MED12L: variants seen among roughly 807,000 people sequenced by gnomAD.
MED12L encodes the protein mediator complex subunit 12L.
MED12L carries 60 observed loss-of-function variants against 281.3 expected under a neutral mutation model. The ratio of observed to expected loss-of-function variants is 0.21; its 90% CI spans 0.17 to 0.26. MED12L has a LOEUF of 0.26. Among genes scored for constraint, MED12L ranks in the 10% least tolerant of loss-of-function variants. MED12L has a pLI of 1.00. For missense variants in MED12L, 2,146 were observed against 2,680.9 expected, an observed-to-expected ratio of 0.80 and a Z score of 4.41; for synonymous variants, 974 against 987.2, an observed-to-expected ratio of 0.99 and a Z score of 0.25.
chr3:151,223,189 A>AAC (rs1221049763), intron 16 of MED12L, among the ~76,000 whole-genome samples: 1 of 150,846 alleles, frequency 6.6e-6, no homozygotes, highest in East Asian at 1.9e-4. Flanking sequence ...AAAAAAAAAA[A>AAC]ACTAGATGTC....
intron 11 of MED12L, among the ~76,000 whole-genome samples, chr3:151,173,359 C>T (rs991282616): frequency 1.3e-5 from 2 of 152,076 alleles, no homozygotes; most frequent in South Asian, 2.1e-4. Flanking sequence ...TTAACTAGTA[C>T]GTTCTATTTC....
At chr3:151,173,074 C>CTTT (rs75490096) in intron 11 of MED12L, among the ~76,000 whole-genome samples, 9,145 of 140,246 alleles carry the variant, frequency 0.065, 588 homozygotes, top group East Asian at 0.18. Context: ...TATTATGCGA[C>CTTT]TTTTTTTTTT....
At chr3:151,124,296 G>A (rs1467621203) in intron 4 of MED12L, among the ~76,000 whole-genome samples, 1 of 152,234 alleles carries the variant, frequency 6.6e-6, no homozygotes, top group Non-Finnish European at 1.5e-5. Flanking sequence ...TCATGGTGCA[G>A]TGTGTTAGCC....
intron 3 of MED12L, among the ~76,000 whole-genome samples, chr3:151,119,655 T>C (rs973330948): frequency 3.9e-5 from 6 of 152,204 alleles, no homozygotes; most frequent in Non-Finnish European, 5.9e-5. Context: ...ATGCTTTATG[T>C]CTCTTGATAT....
At chr3:151,120,435 T>C (rs1415823063) in intron 3 of MED12L, among the ~76,000 whole-genome samples, 1 of 152,208 alleles carries the variant, frequency 6.6e-6, no homozygotes, top group Non-Finnish European at 1.5e-5. Context: ...AGGCTACTTA[T>C]TTTAGTGTGA....
At chr3:151,116,912 C>G (rs1025002329) in intron 3 of MED12L, among the ~76,000 whole-genome samples, 1 of 152,156 alleles carries the variant, frequency 6.6e-6, no homozygotes, top group African/African-American at 2.4e-5. Flanking sequence ...TCTACCATCT[C>G]CCTGCATTGG....
intron 36 of MED12L, among the ~76,000 whole-genome samples, chr3:151,386,681 A>G (rs1023046520): frequency 1.3e-4 from 20 of 151,260 alleles, no homozygotes; most frequent in African/African-American, 4.1e-4. Flanking sequence ...GGTTCAAGCA[A>G]TTCTCTGCCT....
chr3:151,317,168 A>T (rs1577317007), intron 16 of MED12L, among the ~76,000 whole-genome samples: 1 of 152,274 alleles, frequency 6.6e-6, no homozygotes, highest in African/African-American at 2.4e-5. Context: ...TGAAAATATT[A>T]TTCTACATAT....
intron 42 of MED12L, among the ~76,000 whole-genome samples, chr3:151,416,009 A>G (rs895735084): frequency 1.3e-5 from 2 of 152,222 alleles, no homozygotes; most frequent in Non-Finnish European, 1.5e-5. Context: ...CATGAAAGGA[A>G]TTAAAACAGT....
chr3:151,384,842 A>C (rs891258850), intron 35 of MED12L, 188 bp from the exon 36 acceptor site: 2 of 537,874 alleles, frequency 3.7e-6, no homozygotes, highest in African/African-American at 4.0e-5. Context: ...TTTCTACTTA[A>C]ATAGAAGAAA....
In MED12L at chr3:151,271,656, T is replaced by C. The variant is rs558087912; in HGVS notation, c.2250+77990T>C. Among the ~76,000 whole-genome samples the C allele has an allele frequency of 1.4e-4, 21 of 152,334 alleles. No homozygotes were observed. In the South Asian group the frequency reaches 2.3e-3, roughly 17 times the overall value. ...AACAAATTGTGGTATACTCATAGAA[T>C]ACCATATGGTGATCCGGAGGATGAT... On this transcript the variant is annotated intron_variant, in intron 16 of 44. Transcript: ENST00000687756.
rs770097038 is a variant in MED12L, at chr3:151,387,879, C to T, written c.5158C>T (p.Pro1720Ser). The change falls in exon 37 of 45, where the codon CCT (proline) becomes TCT (serine). Residue 1720 changes from proline to serine, a missense_variant. Pro to Ser is a moderately conservative substitution (Grantham distance 74). Around this residue, in one of 9 missense-constraint regions of MED12L, gnomAD observed 212 missense variants for 340.8 expected, o/e 0.62. Transcript: ENST00000687756. ...DLFEGQKNPAPLSWAWFGTVR... is the reference protein window; with the variant it reads ...DLFEGQKNPASLSWAWFGTVR... ...GTTTGAGGGTCAGAAGAACCCAGCT[C>T]CTTTGTCCTGGGCCTGGTTTGGGAC... 5.0e-6 allele frequency: 8 copies of T among 1,614,000 alleles called. No individual in the cohort carries two copies. In the East Asian group the frequency reaches 8.9e-5, roughly 18 times the overall value.
intron 16 of MED12L, among the ~76,000 whole-genome samples, chr3:151,230,453 T>C (rs541433537): frequency 4.9e-4 from 74 of 152,308 alleles, no homozygotes; most frequent in African/African-American, 1.7e-3. Context: ...ATAATACCTG[T>C]ATGTAAAAAA....
chr3:151,372,301 C>T (rs1756282299), intron 26 of MED12L, among the ~76,000 whole-genome samples: 1 of 152,094 alleles, frequency 6.6e-6, no homozygotes, highest in Non-Finnish European at 1.5e-5. Flanking sequence ...TTCATAATGG[C>T]CTTTCCAAGT....
Position 151,188,363 on chromosome 3 carries a change from G to A in MED12L, c.1636G>A (p.Glu546Lys). Residue 546 changes from glutamate (E) to lysine (K), a missense_variant, in exon 13 of 45, where the codon GAA (glutamate) becomes AAA (lysine). Physicochemically the swap from Glu to Lys is moderately conservative, Grantham distance 56. This residue lies in a region of MED12L where 722 missense variants were observed against 861.2 expected (regional missense o/e 0.84). Coordinates refer to ENST00000687756, the MANE Select transcript of MED12L (RefSeq NM_001393769.1). ...QAEIEAERCG[E>K]SEVLDEKESI... The stretch of plus-strand genomic sequence containing the variant: ...TATTTTTAATCTGTAGAGATGTGGT[G>A]AATCAGAAGTCTTAGATGAGAAGGA... 3.1e-6 allele frequency: 5 copies of A among 1,602,724 alleles called. No individual in the cohort carries two copies. The highest frequency in any genetic ancestry group is 4.3e-6 in the Non-Finnish European group (5 of 1,169,926).
chr3:151,159,374 A>G (rs188440509), intron 7 of MED12L, among the ~76,000 whole-genome samples: 54 of 152,310 alleles, frequency 3.5e-4, no homozygotes, highest in Non-Finnish European at 6.8e-4. Flanking sequence ...AGACTATACC[A>G]TAGGTTCCTG....
chr3:151,343,912 CCA>C (rs1752216632), intron 16 of MED12L, among the ~76,000 whole-genome samples: 1 of 151,950 alleles, frequency 6.6e-6, no homozygotes, highest in South Asian at 2.1e-4. Context: ...TGTTTTAGTT[CCA>C]GTGGTCTCTG....
chr3:151,370,567 C>T (rs1481514915), intron 26 of MED12L, among the ~76,000 whole-genome samples: 1 of 152,170 alleles, frequency 6.6e-6, no homozygotes, highest in African/African-American at 2.4e-5. Context: ...CCACAGCCTC[C>T]TCTGAGTGTA....
At chr3:151,109,309 G>A (rs1479330910) in intron 2 of MED12L, among the ~76,000 whole-genome samples, 2 of 152,124 alleles carry the variant, frequency 1.3e-5, no homozygotes, top group East Asian at 3.9e-4. Flanking sequence ...TGCCTGCCTC[G>A]GCCTCCCAAA....
Sources: allele counts gnomAD v4.1 joint callset (sites outside exome capture counted in the v4.1 genomes callset), GRCh38; gene constraint gnomAD v4.1.1; regional missense constraint gnomAD v4.1.1; transcripts MANE v1.5; gene names NCBI Gene and HGNC (gene_info 2026-07-23, HGNC 2026-07-21).